Variants in WDR64 observed in about 807,000 individuals in gnomAD.
The protein encoded by WDR64 is WD repeat domain 64.
Under a neutral mutation model 139.3 loss-of-function variants are expected in WDR64, and 112 were observed. The observed-to-expected ratio is 0.80, with a 90% CI of 0.69 to 0.94. WDR64 has a LOEUF of 0.94. WDR64 is among the 40% of genes least tolerant of loss of function. WDR64 has a pLI of 0.00. For synonymous variants in WDR64, 444 were observed against 437.7 expected (o/e 1.01, Z -0.18); for missense variants, 1,206 against 1,293.1 (o/e 0.93, Z 1.03).
intron 16 of WDR64, among the ~76,000 whole-genome samples, chr1:241,767,500 C>G (rs897445361): frequency 6.6e-6 from 1 of 151,978 alleles, no homozygotes; most frequent in Non-Finnish European, 1.5e-5. Flanking sequence ...ATTTTACTTA[C>G]AGATACAAGA....
At chr1:241,773,942 AT>A (rs1658556786) in intron 20 of WDR64, among the ~76,000 whole-genome samples, 1 of 152,250 alleles carries the variant, frequency 6.6e-6, no homozygotes, top group Non-Finnish European at 1.5e-5. Flanking sequence ...TATACAATAA[AT>A]TGTTAGTTTA....
chr1:241,703,185 C>T lies in WDR64; in HGVS notation c.975-8617C>T, dbSNP rs140899320. Among the ~76,000 whole-genome samples, 5 of 152,262 alleles carry T rather than the reference C, an allele frequency of 3.3e-5. No homozygotes were observed. The highest frequency in any genetic ancestry group is 6.5e-5 in the Admixed American group (1 of 15,292). On this transcript the variant is annotated intron_variant, in intron 8 of 27. Coordinates refer to ENST00000437684, the MANE Select transcript of WDR64 (RefSeq NM_001367482.1). The surrounding 1 kb of genome is among the most constrained non-coding windows in gnomAD (Gnocchi z 5.9). Reference sequence around the variant, plus strand: ...CCTCACCGTCACCGGGAGAAAATATCGAGGGACTCTGCTGACTCAGTAGCC... The same window carrying T: ...CCTCACCGTCACCGGGAGAAAATATTGAGGGACTCTGCTGACTCAGTAGCC...
chr1:241,674,563 T>G, intron 3 of WDR64, 81 bp from the exon 4 acceptor site: 1 of 908,704 alleles, frequency 1.1e-6, no homozygotes, highest in South Asian at 1.7e-5. Flanking sequence ...GGCCATATCA[T>G]TTTTTAAAAA....
At chr1:241,779,292 T>A (rs1052139471) in intron 21 of WDR64, among the ~76,000 whole-genome samples, 2 of 152,190 alleles carry the variant, frequency 1.3e-5, no homozygotes, top group African/African-American at 4.8e-5. Flanking sequence ...GACTCTTTTT[T>A]ATACCTTTGT....
intron 16 of WDR64, 50 bp from the exon 17 acceptor site, chr1:241,769,354 G>A: frequency 7.1e-7 from 1 of 1,410,322 alleles, no homozygotes; most frequent in East Asian, 2.5e-5. Context: ...AGTACTGTAA[G>A]CTCCATAATT....
At chr1:241,736,690 C>T (rs1037220029) in intron 10 of WDR64, among the ~76,000 whole-genome samples, 6 of 152,142 alleles carry the variant, frequency 3.9e-5, no homozygotes, top group African/African-American at 9.6e-5. Flanking sequence ...AGGAAAGACC[C>T]GAAGAACTGC....
chr1:241,770,018 G>C (rs1658367336), intron 17 of WDR64, among the ~76,000 whole-genome samples: 1 of 152,154 alleles, frequency 6.6e-6, no homozygotes, highest in Non-Finnish European at 1.5e-5. Context: ...TGGTTTGCAG[G>C]CAATAGATAA....
chr1:241,742,480 G>A (rs577384646), intron 12 of WDR64, among the ~76,000 whole-genome samples: 1 of 152,160 alleles, frequency 6.6e-6, no homozygotes, highest in Non-Finnish European at 1.5e-5. Flanking sequence ...AGATGGCGAC[G>A]AGAGTGACCT....
chr1:241,747,176 T>G (rs1335145435), intron 13 of WDR64, among the ~76,000 whole-genome samples: 2 of 152,198 alleles, frequency 1.3e-5, no homozygotes, highest in Admixed American at 1.3e-4. Context: ...GTGGTGACTA[T>G]GAAGGTTAGC....
chr1:241,791,641 T>G (rs896920155), intron 25 of WDR64, among the ~76,000 whole-genome samples: 7 of 151,814 alleles, frequency 4.6e-5, no homozygotes, highest in African/African-American at 1.7e-4. Flanking sequence ...CACTTCACTC[T>G]AGCTTGGGCG....
chr1:241,782,307 G>T (rs1337646016), intron 22 of WDR64, among the ~76,000 whole-genome samples: 3 of 152,052 alleles, frequency 2.0e-5, no homozygotes, highest in Non-Finnish European at 4.4e-5. Context: ...AAAAGAACTA[G>T]GAGTCCAGAT....
intron 3 of WDR64, among the ~76,000 whole-genome samples, chr1:241,673,022 T>C (rs1666294444): frequency 6.6e-6 from 1 of 152,126 alleles, no homozygotes; most frequent in African/African-American, 2.4e-5. Flanking sequence ...TCTGTACTAG[T>C]TCATGTCCTT....
At chr1:241,758,314 CTT>C (rs34461998) in intron 15 of WDR64, among the ~76,000 whole-genome samples, 10 of 145,782 alleles carry the variant, frequency 6.9e-5, no homozygotes, top group African/African-American at 7.6e-5. Flanking sequence ...GACCAGTTGT[CTT>C]TTTTTTTTTT....
At chr1:241,791,638 C>T (rs1659217168) in intron 25 of WDR64, among the ~76,000 whole-genome samples, 1 of 151,940 alleles carries the variant, frequency 6.6e-6, no homozygotes. Flanking sequence ...CACCACTTCA[C>T]TCTAGCTTGG....
chr1:241,777,250 T>C (rs923747555), intron 21 of WDR64, among the ~76,000 whole-genome samples: 3 of 152,054 alleles, frequency 2.0e-5, no homozygotes, highest in Middle Eastern at 3.2e-3. Flanking sequence ...GCTTTTTTTT[T>C]CCTGTAGAGA....
At chr1:241,746,836 T>G (rs1218562071) in intron 13 of WDR64, among the ~76,000 whole-genome samples, 1 of 151,624 alleles carries the variant, frequency 6.6e-6, no homozygotes, top group African/African-American at 2.4e-5. Context: ...CTCGGCTCAC[T>G]GCAACCTCCG....
intron 1 of WDR64, among the ~76,000 whole-genome samples, chr1:241,658,697 G>T (rs373678179): frequency 2.1e-4 from 31 of 149,280 alleles, no homozygotes; most frequent in East Asian, 9.9e-4. Context: ...CGCTCAAGAT[G>T]AATTCTACCA....
Position 241,741,594 on chromosome 1 carries a change from A to C in WDR64, c.1400A>C (p.Glu467Ala), listed in dbSNP as rs764726364. The C allele has an allele frequency of 1.2e-6, 2 of 1,613,700 alleles. No individual in the cohort carries two copies. Among genetic ancestry groups the C allele is most frequent in the Non-Finnish European group, 1.7e-6 (2 of 1,179,880 alleles). ...TKQVPHTHER[E>A]INVMLYNKYF... ...CAGGTTCCTCACACTCATGAACGAG[A>C]AATCAATGTCATGCTTTACAACAAA... The change falls in exon 12 of 28, where the codon GAA becomes GCA. Residue 467 changes from glutamate (E) to alanine (A), a missense_variant. Physicochemically the swap from Glu to Ala is moderately radical, Grantham distance 107. Coordinates refer to ENST00000437684, the MANE Select transcript of WDR64 (RefSeq NM_001367482.1).
In WDR64 at chr1:241,784,976, A is replaced by AAAAAAG. The variant is rs138513526; in HGVS notation, c.2705+1595_2705+1596insAAAAAG. Among the ~76,000 whole-genome samples, 54 of 98,358 alleles carry AAAAAAG rather than the reference A, an allele frequency of 5.5e-4. 2 individuals are homozygous for AAAAAAG. The highest frequency in any genetic ancestry group is 7.3e-4 in the South Asian group (2 of 2,754). The allele number at this position is 98,358 out of a possible 152,430, so 64.5% of individuals were successfully genotyped here. A position where few individuals can be genotyped will look rare whatever the true frequency, so the allele number is the denominator to read the frequency against. On this transcript the variant is annotated intron_variant, in intron 23 of 27. Transcript: ENST00000437684. ...CTGAAAAAAAAAAAAAAAAAAAAAAAGAAAGGACATCTGCTGTTTTATTTG... is the reference window on the plus strand; with the variant it reads ...CTGAAAAAAAAAAAAAAAAAAAAAAAAAAAAGGAAAGGACATCTGCTGTTTTATTTG...
Sources: allele counts gnomAD v4.1 joint callset (sites outside exome capture counted in the v4.1 genomes callset), GRCh38; gene constraint gnomAD v4.1.1; non-coding constraint Gnocchi (gnomAD v3.1); transcripts MANE v1.5; gene names NCBI Gene and HGNC (gene_info 2026-07-23, HGNC 2026-07-21).